TBC1D9: variants seen among roughly 807,000 people sequenced by gnomAD.
TBC1D9 encodes TBC1 domain family member 9A.
In TBC1D9, 63 loss-of-function variants were observed where a neutral mutation model predicts 132.0. That is an observed-to-expected ratio of 0.48 (90% CI 0.39 to 0.59). The LOEUF (loss-of-function observed/expected upper bound fraction) is 0.59. Among genes scored for constraint, TBC1D9 ranks in the 20% least tolerant of loss-of-function variants. The probability of loss-of-function intolerance (pLI) is 0.00; values close to 1 mark genes in which losing one functional copy is unlikely to be tolerated. For missense variants in TBC1D9, 1,261 were observed against 1,592.7 expected (o/e 0.79, Z 3.54); for synonymous variants, 610 against 609.9 (o/e 1.00, Z 0.00).
intron 18 of TBC1D9, among the ~76,000 whole-genome samples, chr4:140,626,355 C>A (rs1736710041): frequency 2.0e-5 from 3 of 152,326 alleles, no homozygotes; most frequent in East Asian, 1.9e-4. Flanking sequence ...CTAGACAACA[C>A]TATACATAGC....
chr4:140,625,028 G>A (rs1736683154), intron 18 of TBC1D9, among the ~76,000 whole-genome samples: 1 of 151,008 alleles, frequency 6.6e-6, no homozygotes, highest in Admixed American at 6.7e-5. Context: ...CTCCAGCCTG[G>A]GCAACTAGAG....
chr4:140,698,747 G>C (rs940592117), intron 2 of TBC1D9, among the ~76,000 whole-genome samples: 5 of 151,238 alleles, frequency 3.3e-5, no homozygotes, highest in African/African-American at 9.7e-5. Flanking sequence ...CGGGGGTGGG[G>C]GGGGGAAAGA....
At chr4:140,639,006 G>A (rs1736921696) in intron 15 of TBC1D9, 80 bp downstream of exon 15, 1 of 1,050,554 alleles carries the variant, frequency 9.5e-7, no homozygotes, top group East Asian at 2.6e-5. Context: ...TAATTTAACA[G>A]AAAAATCAAG....
intron 9 of TBC1D9, among the ~76,000 whole-genome samples, chr4:140,663,036 A>G (rs1189054212): frequency 6.6e-6 from 1 of 152,228 alleles, no homozygotes; most frequent in Non-Finnish European, 1.5e-5. Context: ...CACGGGCAGC[A>G]AAAGCAAAAA....
intron 9 of TBC1D9, among the ~76,000 whole-genome samples, chr4:140,662,739 C>A (rs1737383513): frequency 6.6e-6 from 1 of 152,082 alleles, no homozygotes; most frequent in Admixed American, 6.5e-5. Context: ...TGAGAATCAT[C>A]CATTTGAGAT....
intron 13 of TBC1D9, among the ~76,000 whole-genome samples, chr4:140,656,881 G>A (rs951353521): frequency 1.8e-4 from 28 of 152,264 alleles, no homozygotes; most frequent in African/African-American, 5.8e-4. Context: ...TCTCCCCTCC[G>A]GAGGACACTG....
At chr4:140,669,531 T>C (rs1386968722) in intron 8 of TBC1D9, 103 bp downstream of exon 8, 3 of 1,260,548 alleles carry the variant, frequency 2.4e-6, no homozygotes, top group Non-Finnish European at 2.2e-6. Flanking sequence ...TATAGGAAAA[T>C]CTCCATTTAC....
chr4:140,681,512 C>A (rs1737702490), intron 3 of TBC1D9, among the ~76,000 whole-genome samples: 1 of 152,142 alleles, frequency 6.6e-6, no homozygotes, highest in African/African-American at 2.4e-5. Context: ...AGCATGTAGA[C>A]AATAATCATA....
intron 15 of TBC1D9, among the ~76,000 whole-genome samples, chr4:140,638,818 T>C (rs993447053): frequency 1.3e-5 from 2 of 152,228 alleles, no homozygotes; most frequent in African/African-American, 4.8e-5. Flanking sequence ...ACCATTGTTT[T>C]TAATAAGTAT....
At chr4:140,716,273 G>A (rs1337193401) in intron 1 of TBC1D9, among the ~76,000 whole-genome samples, 1 of 152,138 alleles carries the variant, frequency 6.6e-6, no homozygotes, top group Admixed American at 6.5e-5. Context: ...GATTGCTTGA[G>A]CCCAGGAGTT....
In TBC1D9 at chr4:140,681,177, A is replaced by T. The variant is rs1288858896; in HGVS notation, c.361-1334T>A. Among the ~76,000 whole-genome samples the T allele has an allele frequency of 2.6e-5, 4 of 152,094 alleles. No homozygotes were observed. In the South Asian group the frequency reaches 8.3e-4, roughly 31 times the overall value. ...CCTGAGGCACCCTTGGGGCCTGAACATGTCATTTCTGCACTTTCCCACCTT... is the reference window on the plus strand; with the variant it reads ...CCTGAGGCACCCTTGGGGCCTGAACTTGTCATTTCTGCACTTTCCCACCTT... On this transcript the variant is annotated intron_variant, in intron 3 of 20. Transcript: ENST00000442267.
chr4:140,675,437 G>T (rs1737608859), intron 6 of TBC1D9, among the ~76,000 whole-genome samples: 3 of 152,148 alleles, frequency 2.0e-5, no homozygotes, highest in Admixed American at 6.5e-5. Context: ...ACCAGGGTAG[G>T]TTGGAAGAGG....
chr4:140,701,026 A>T (rs1215151759), intron 2 of TBC1D9: 5 of 157,184 alleles, frequency 3.2e-5, no homozygotes, highest in Admixed American at 6.1e-5. Flanking sequence ...CCTACTCAGT[A>T]GGAAGTACTG....
intron 1 of TBC1D9, among the ~76,000 whole-genome samples, chr4:140,747,690 T>C (rs1377907947): frequency 6.6e-6 from 1 of 152,198 alleles, no homozygotes. Flanking sequence ...AAGGGGCTGC[T>C]GAGTAAGCTG....
intron 8 of TBC1D9, among the ~76,000 whole-genome samples, chr4:140,669,302 A>T (rs890767436): frequency 6.6e-6 from 1 of 152,104 alleles, no homozygotes; most frequent in Non-Finnish European, 1.5e-5. Context: ...CTTACCTGAG[A>T]TTGTATTTAT....
At chr4:140,754,475 C>T (rs1393254874) in intron 1 of TBC1D9, among the ~76,000 whole-genome samples, 1 of 151,370 alleles carries the variant, frequency 6.6e-6, no homozygotes, top group Admixed American at 6.6e-5. Flanking sequence ...ATTAGCCGGG[C>T]GGGTTGGTGC....
At chr4:140,696,928 C>A (rs1333174075) in intron 2 of TBC1D9, among the ~76,000 whole-genome samples, 1 of 152,102 alleles carries the variant, frequency 6.6e-6, no homozygotes. Context: ...CTATGCCATA[C>A]TAACTTTGTA....
At chr4:140,669,137 G>T in intron 8 of TBC1D9, 70 bp from the exon 9 acceptor site, 1 of 1,468,736 alleles carries the variant, frequency 6.8e-7, no homozygotes. Flanking sequence ...GTGATGGAAG[G>T]TCAGAACATG....
chr4:140,738,328 T>G (rs1180178181), intron 1 of TBC1D9, among the ~76,000 whole-genome samples: 1 of 152,220 alleles, frequency 6.6e-6, no homozygotes, highest in Non-Finnish European at 1.5e-5. Flanking sequence ...AAATGTGGAT[T>G]TGCTGAGCAT....
Sources: gnomAD v4.1 joint callset for allele counts (sites outside exome capture counted in the v4.1 genomes callset) on GRCh38, gnomAD v4.1.1 for gene constraint, MANE v1.5 for transcripts, NCBI Gene and HGNC (gene_info 2026-07-23, HGNC 2026-07-21) for gene names.